Variants in DYNC1I1 observed in about 807,000 individuals in gnomAD.
DYNC1I1 encodes the protein dynein cytoplasmic 1 intermediate chain 1.
DYNC1I1 carries 43 observed loss-of-function variants against 86.6 expected under a neutral mutation model. That is an observed-to-expected ratio of 0.50 (90% confidence interval 0.39 to 0.64). DYNC1I1 has a LOEUF of 0.64. Among genes scored for constraint, DYNC1I1 ranks in the 30% least tolerant of loss-of-function variants. DYNC1I1 has a pLI of 0.00. For missense variants in DYNC1I1, 604 were observed against 788.8 expected, an observed-to-expected ratio of 0.77 and a Z score of 2.81; for synonymous variants, 262 against 283.7, an observed-to-expected ratio of 0.92 and a Z score of 0.77.
intron 6 of DYNC1I1, among the ~76,000 whole-genome samples, chr7:95,907,099 C>T (rs1037775268): frequency 6.6e-6 from 1 of 152,120 alleles, no homozygotes. Context: ...GAGCTGCTTG[C>T]AGAACATCCG....
intron 1 of DYNC1I1, among the ~76,000 whole-genome samples, chr7:95,775,971 C>T (rs141623166): frequency 6.6e-6 from 1 of 152,162 alleles, no homozygotes; most frequent in Non-Finnish European, 1.5e-5. Flanking sequence ...CTTGACTGGG[C>T]ACAGTAGCTT....
At position 95,933,715 on chromosome 7, in the gene DYNC1I1, T is replaced by A. The variant is rs183751258; in HGVS notation, c.491-43797T>A. ...ACTGAAGGCAGTGACACATTTTTTT[T>A]AAAAAAAACTTCACATAAAATTATG... On this transcript the variant is annotated intron_variant, in intron 6 of 16. Coordinates refer to ENST00000447467, the MANE Select transcript of DYNC1I1 (RefSeq NM_001135556.2). Among the ~76,000 whole-genome samples the A allele has an allele frequency of 4.2e-3, 641 of 151,960 alleles. 4 individuals are homozygous for A. The highest frequency in any genetic ancestry group is 4.9e-3 in the Admixed American group (74 of 15,250).
At chr7:95,808,678 G>T (rs934303321) in intron 2 of DYNC1I1, among the ~76,000 whole-genome samples, 19 of 152,120 alleles carry the variant, frequency 1.2e-4, no homozygotes, top group African/African-American at 3.6e-4. Flanking sequence ...AATAAATGTG[G>T]AAATGTCTTT....
intron 6 of DYNC1I1, among the ~76,000 whole-genome samples, chr7:95,969,974 C>A (rs1793123111): frequency 6.6e-6 from 1 of 152,176 alleles, no homozygotes. Context: ...GTCTTTCCTG[C>A]ATATTTTTAA....
chr7:95,926,888 G>A (rs1311348238), intron 6 of DYNC1I1, among the ~76,000 whole-genome samples: 1 of 152,052 alleles, frequency 6.6e-6, no homozygotes, highest in Non-Finnish European at 1.5e-5. Flanking sequence ...ATATCATATT[G>A]TGTTTAATTT....
At chr7:95,875,199 T>A (rs750385331) in intron 6 of DYNC1I1, among the ~76,000 whole-genome samples, 12 of 152,158 alleles carry the variant, frequency 7.9e-5, no homozygotes, top group Non-Finnish European at 1.6e-4. Flanking sequence ...ATCCTTCCTT[T>A]TAGAACAATG....
downstream of DYNC1I1, among the ~76,000 whole-genome samples, chr7:96,101,746 G>A (rs1791140288): frequency 1.3e-5 from 2 of 152,036 alleles, no homozygotes; most frequent in Admixed American, 1.3e-4. Flanking sequence ...ACTTACATCA[G>A]GTACCTGGCC....
At chr7:95,806,153 ATTAAG>A (rs1334082466) in intron 2 of DYNC1I1, among the ~76,000 whole-genome samples, 2 of 152,212 alleles carry the variant, frequency 1.3e-5, no homozygotes, top group Non-Finnish European at 2.9e-5. Flanking sequence ...CAAAAAAAGC[ATTAAG>A]TTATTATATT....
rs992680599 is a variant in DYNC1I1, at chr7:95,898,251, G to A, written c.490+28253G>A. On this transcript the variant is annotated intron_variant, in intron 6 of 16. Coordinates refer to ENST00000447467, the MANE Select transcript of DYNC1I1 (RefSeq NM_001135556.2). ...AATATCAAACTTGGCCACCTGCTGG[G>A]GCCTCTGGGTTTTGTGTTAATTTAG... Among the ~76,000 whole-genome samples the A allele has an allele frequency of 5.3e-5, 8 of 152,250 alleles. No homozygotes were observed. In the South Asian group the frequency reaches 1.0e-3, roughly 20 times the overall value.
At chr7:96,106,887 T>A (rs1006604922) in intron 16 of DYNC1I1, among the ~76,000 whole-genome samples, 1 of 152,220 alleles carries the variant, frequency 6.6e-6, no homozygotes, top group Non-Finnish European at 1.5e-5. Flanking sequence ...AAATAGAACA[T>A]GAATTCTTCA....
At chr7:96,067,116 G>GA (rs1039924579) in intron 14 of DYNC1I1, among the ~76,000 whole-genome samples, 56 of 151,984 alleles carry the variant, frequency 3.7e-4, no homozygotes, top group African/African-American at 1.3e-3. Context: ...CAAAATATCA[G>GA]AAAAAACATG....
intron 1 of DYNC1I1, among the ~76,000 whole-genome samples, chr7:95,795,575 T>C (rs547392496): frequency 2.6e-5 from 4 of 152,314 alleles, no homozygotes; most frequent in Middle Eastern, 3.4e-3. Context: ...AACGAGATCA[T>C]GTCCTTTGCA....
chr7:95,926,896 T>C (rs1791760532), intron 6 of DYNC1I1, among the ~76,000 whole-genome samples: 1 of 152,214 alleles, frequency 6.6e-6, no homozygotes, highest in Non-Finnish European at 1.5e-5. Flanking sequence ...TTGTGTTTAA[T>C]TTAATCTTTA....
intron 12 of DYNC1I1, among the ~76,000 whole-genome samples, chr7:96,033,470 T>G (rs866719665): frequency 1.3e-5 from 2 of 152,106 alleles, no homozygotes; most frequent in African/African-American, 4.8e-5. Flanking sequence ...CATACACACA[T>G]GAACACATAC....
At chr7:95,780,064 C>T (rs529173800) in intron 1 of DYNC1I1, among the ~76,000 whole-genome samples, 3 of 152,206 alleles carry the variant, frequency 2.0e-5, no homozygotes, top group South Asian at 4.2e-4. Context: ...TGACACTGTC[C>T]GATGAGCAGT....
At chr7:96,062,646 G>A (rs890997933) in intron 14 of DYNC1I1, among the ~76,000 whole-genome samples, 3 of 152,248 alleles carry the variant, frequency 2.0e-5, no homozygotes, top group African/African-American at 7.2e-5. Flanking sequence ...CTGCAGAAAT[G>A]TATTCAAAAA....
At chr7:95,998,733 A>G (rs1279921561) in intron 10 of DYNC1I1, among the ~76,000 whole-genome samples, 1 of 152,184 alleles carries the variant, frequency 6.6e-6, no homozygotes, top group Non-Finnish European at 1.5e-5. Context: ...TTGCGTAGCT[A>G]TTCATTTCCT....
At chr7:96,099,158 G>A (rs118137579), downstream of DYNC1I1, among the ~76,000 whole-genome samples, 18 of 152,314 alleles carry the variant, frequency 1.2e-4, no homozygotes, top group Admixed American at 2.6e-4. Flanking sequence ...TGCAAAACGC[G>A]TGCATTATTA....
At chr7:96,081,814 G>A (rs1708440922) in intron 16 of DYNC1I1, among the ~76,000 whole-genome samples, 1 of 152,132 alleles carries the variant, frequency 6.6e-6, no homozygotes, top group Non-Finnish European at 1.5e-5. Flanking sequence ...AGTTGATTAT[G>A]TTGGAACAAG....
Sources: allele counts gnomAD v4.1 joint callset (sites outside exome capture counted in the v4.1 genomes callset), GRCh38; gene constraint gnomAD v4.1.1; transcripts MANE v1.5; gene names NCBI Gene and HGNC (gene_info 2026-07-23, HGNC 2026-07-21).